KDM6A: variants seen among roughly 807,000 people sequenced by gnomAD.
KDM6A encodes lysine demethylase 6A, also known as lysine-specific demethylase 6A.
In KDM6A, 11 loss-of-function variants were observed where a neutral mutation model predicts 117.6. The ratio of observed to expected loss-of-function variants is 0.09; its 90% CI spans 0.06 to 0.15. The LOEUF (loss-of-function observed/expected upper bound fraction) is 0.15. KDM6A is among the 10% of genes least tolerant of loss of function. The probability of loss-of-function intolerance (pLI) is 1.00; values close to 1 mark genes in which losing one functional copy is unlikely to be tolerated. For missense variants in KDM6A, 799 were observed against 1,077.3 expected (o/e 0.74, Z 3.62); for synonymous variants, 384 against 396.1 (o/e 0.97, Z 0.36).
chrX:44,960,688 G>A (rs1160547253), intron 2 of KDM6A, among the ~76,000 whole-genome samples: 1 of 111,485 alleles, frequency 9.0e-6, no homozygotes, highest in Non-Finnish European at 1.9e-5. Context: ...AAATGTGAGA[G>A]TGAGAGCATG....
chrX:45,073,705 C>G (rs1391699859), intron 18 of KDM6A, among the ~76,000 whole-genome samples: 2 of 111,942 alleles, frequency 1.8e-5, no homozygotes, highest in Admixed American at 1.9e-4. Context: ...CCTTTGCCCA[C>G]TTTTGGATGG....
At chrX:44,943,543 A>G (rs1322950225) in intron 2 of KDM6A, among the ~76,000 whole-genome samples, 1 of 112,225 alleles carries the variant, frequency 8.9e-6, no homozygotes, top group East Asian at 2.8e-4. Context: ...AGACACATGC[A>G]TATACTATGT....
chrX:45,085,722 G>A, intron 24 of KDM6A, 143 bp from the exon 25 acceptor site: 2 of 465,838 alleles, frequency 4.3e-6, no homozygotes, highest in East Asian at 3.8e-5. Context: ...AGTGTTCTCT[G>A]TTGAGCATTT....
At position 45,037,659 on chromosome X, in the gene KDM6A, A is replaced by G. The variant is rs200602649; in HGVS notation, c.624A>G (p.Gln208=). ...GTCTTTCCTCATCCTTTGCAGTTCA[A>G]TTTCACATTGCCCACTTATATGAAA... The part of the protein sequence containing the change: ...NPCTLSNAEI[Q]FHIAHLYETQ... The change falls in exon 8 of 30, where the codon CAA becomes CAG. Residue 208 remains glutamine, a synonymous_variant. Transcript: ENST00000611820. 31 of 1,203,545 alleles carry G rather than the reference A, an allele frequency of 2.6e-5. No homozygotes were observed. Among genetic ancestry groups the G allele is most frequent in the African/African-American group, 7.0e-5 (4 of 57,113 alleles).
chrX:45,036,113 GT>G (rs2042804247), intron 7 of KDM6A, among the ~76,000 whole-genome samples: 1 of 110,890 alleles, frequency 9.0e-6, no homozygotes, highest in Non-Finnish European at 1.9e-5. Context: ...TTACTTTTTT[GT>G]TTTTGTTTTT....
chrX:44,873,321 C>T lies in KDM6A; in HGVS notation c.-231C>T. ...CCCCCTGCCCAACCCCGCGATGTGA[C>T]CCTACAGCCGAAAGCCGCCGCTGCC... is the stretch of plus-strand genomic sequence containing the variant. On this transcript the variant is annotated 5_prime_UTR_variant, in exon 1 of 30. Transcript: ENST00000611820. 2.4e-6 allele frequency: 1 copy of T among 411,104 alleles called. No homozygotes were observed. The highest frequency in any genetic ancestry group is 4.1e-6 in the Non-Finnish European group (1 of 241,813). The allele number at this position is 411,104 out of a possible 1,213,427, so 33.9% of individuals were successfully genotyped here.
intron 2 of KDM6A, among the ~76,000 whole-genome samples, chrX:44,947,053 A>G: frequency 8.9e-6 from 1 of 111,864 alleles, no homozygotes; most frequent in East Asian, 2.8e-4. Context: ...GTTGAAAGCC[A>G]TTTTCGTAGC....
At chrX:44,875,457 C>G (rs2031410053) in intron 2 of KDM6A, among the ~76,000 whole-genome samples, 1 of 111,272 alleles carries the variant, frequency 9.0e-6, no homozygotes, top group African/African-American at 3.3e-5. Flanking sequence ...TAAACTTTGA[C>G]TACGTAGGTA....
intron 2 of KDM6A, among the ~76,000 whole-genome samples, chrX:44,938,413 C>T (rs1451509545): frequency 8.9e-6 from 1 of 111,852 alleles, no homozygotes; most frequent in African/African-American, 3.3e-5. Context: ...CAAAGCCAAA[C>T]CCAGAGCAAG....
At chrX:45,000,244 T>C (rs901704989) in intron 4 of KDM6A, among the ~76,000 whole-genome samples, 10 of 112,403 alleles carry the variant, frequency 8.9e-5, no homozygotes, top group Non-Finnish European at 1.9e-4. Context: ...TTATCCAATC[T>C]ACATTTTTAT....
At chrX:45,037,430 T>C (rs771381879) in intron 7 of KDM6A, among the ~76,000 whole-genome samples, 11 of 112,519 alleles carry the variant, frequency 9.8e-5, no homozygotes, top group Admixed American at 2.8e-4. Flanking sequence ...CATTTGATAA[T>C]GACCAACAAT....
intron 2 of KDM6A, among the ~76,000 whole-genome samples, chrX:44,891,478 C>T (rs775635819): frequency 1.1e-4 from 12 of 111,623 alleles, no homozygotes; most frequent in African/African-American, 3.9e-4. Context: ...CTATTATGTT[C>T]GATTTGTCTA....
At chrX:45,070,401 T>A in intron 18 of KDM6A, 44 bp downstream of exon 18, 3 of 1,129,525 alleles carry the variant, frequency 2.7e-6, no homozygotes, top group Non-Finnish European at 2.4e-6. Flanking sequence ...TTTGACTTAC[T>A]GGCATGATCA....
chrX:45,063,374 C>T lies in KDM6A; in HGVS notation c.1684-48C>T, dbSNP rs778760833. The T allele has an allele frequency of 6.1e-6, 7 of 1,146,508 alleles. No homozygotes were observed. The East Asian group carries it at 2.1e-4, about 34-fold the overall frequency. The allele number at this position is 1,146,508 out of a possible 1,213,427, so 94.5% of individuals were successfully genotyped here. The stretch of plus-strand genomic sequence containing the variant: ...GAGAATCCCCTATAGATTCTCTTCC[C>T]TATAGATTACACAACCAGCATTTAC... On this transcript the variant is annotated intron_variant, in intron 16 of 29. Transcript: ENST00000611820.
At chrX:44,874,372 A>G (rs913407142) in intron 2 of KDM6A, among the ~76,000 whole-genome samples, 1 of 111,418 alleles carries the variant, frequency 9.0e-6, no homozygotes, top group African/African-American at 3.3e-5. Context: ...CTACGGGTTT[A>G]AAAAAATTCT....
chrX:44,963,968 T>C (rs1380314672), intron 3 of KDM6A, among the ~76,000 whole-genome samples: 1 of 108,959 alleles, frequency 9.2e-6, no homozygotes, highest in East Asian at 3.0e-4. Flanking sequence ...ATCTGCCTAC[T>C]TCAGCCTCCC....
intron 4 of KDM6A, 123 bp downstream of exon 4, chrX:44,974,838 G>C (rs1044575351): frequency 7.4e-6 from 4 of 541,804 alleles, no homozygotes; most frequent in Non-Finnish European, 1.3e-5. Flanking sequence ...GCTTCTAGGG[G>C]AAAGGTATTG....
intron 20 of KDM6A, 97 bp from the exon 21 acceptor site, chrX:45,079,049 A>G: frequency 1.3e-6 from 1 of 753,857 alleles, no homozygotes; most frequent in Non-Finnish European, 2.0e-6. Flanking sequence ...ACAGTGCCGT[A>G]AAATGCTTTA....
Position 44,873,391 on chromosome X carries a change from ACCGCCGCCGCGTTGGGATTTTTCGTCG to A in KDM6A, c.-152_-126del. On this transcript the variant is annotated 5_prime_UTR_variant, in exon 1 of 30. Transcript: ENST00000611820. ...CCCTGCCGCCGCCGCCGCCGCCTTC[ACCGCCGCCGCGTTGGGATTTTTCGTCG>A]CCGCCGCCCGCGGCGGAGGAGGAGG... The A allele has an allele frequency of 1.4e-6, 1 of 697,771 alleles. No individual in the cohort carries two copies. The highest frequency in any genetic ancestry group is 3.9e-5 in the East Asian group (1 of 25,722). 57.5% of individuals were successfully genotyped at this position (697,771 alleles called of 1,213,427 possible).
Sources: gnomAD v4.1 joint callset for allele counts (sites outside exome capture counted in the v4.1 genomes callset) on GRCh38, gnomAD v4.1.1 for gene constraint, MANE v1.5 for transcripts, NCBI Gene and HGNC (gene_info 2026-07-23, HGNC 2026-07-21) for gene names.